MAOB: variants seen among roughly 807,000 people sequenced by gnomAD.
The protein encoded by MAOB is amine oxidase [flavin-containing] B.
MAOB carries 15 observed loss-of-function variants against 41.9 expected under a neutral mutation model. The observed-to-expected ratio is 0.36, with a 90% CI of 0.24 to 0.55. MAOB has a LOEUF of 0.55. Among genes scored for constraint, MAOB ranks in the 20% least tolerant of loss-of-function variants. MAOB has a pLI of 0.86. For synonymous variants in MAOB, 167 were observed against 144.2 expected, an observed-to-expected ratio of 1.16 and a Z score of -1.13; for missense variants, 345 against 398.7, an observed-to-expected ratio of 0.87 and a Z score of 1.15.
intron 1 of MAOB, among the ~76,000 whole-genome samples, chrX:43,870,562 G>T (rs1420844270): frequency 9.0e-6 from 1 of 110,500 alleles, no homozygotes; most frequent in Non-Finnish European, 1.9e-5. Flanking sequence ...TTGGGAGGCT[G>T]AGGCGGGCGG....
chrX:43,774,999 T>C (rs986760029), intron 12 of MAOB, among the ~76,000 whole-genome samples, 176 bp downstream of exon 12: 2 of 110,041 alleles, frequency 1.8e-5, no homozygotes, highest in Non-Finnish European at 3.8e-5. Context: ...ATAATTATAA[T>C]GATTTCATTC....
rs1169435306 is a variant in MAOB, at chrX:43,767,534, T to C, written c.1495A>G (p.Thr499Ala). 2 of 1,208,524 alleles carry C rather than the reference T, an allele frequency of 1.7e-6. No homozygotes were observed. The highest frequency in any genetic ancestry group is 1.8e-5 in the South Asian group (1 of 56,646). Residue 499 changes from threonine to alanine, a missense_variant, in exon 15 of 15, where the codon ACC becomes GCC. Thr to Ala is a moderately conservative substitution (Grantham distance 58, BLOSUM62 0). Coordinates refer to ENST00000378069, the MANE Select transcript of MAOB (RefSeq NM_000898.5). The stretch of plus-strand genomic sequence containing the variant: ...AGAGCCGTTGCTGAAAAGATGGTGG[T>C]CAATCCAATCAGCCTGAGCAGGCCT... ...VPGLLRLIGL[T>A]TIFSATALGF...
At chrX:43,856,465 T>C (rs747200124) in intron 1 of MAOB, among the ~76,000 whole-genome samples, 2 of 111,950 alleles carry the variant, frequency 1.8e-5, no homozygotes, top group African/African-American at 3.2e-5. Context: ...TTTTACCTTC[T>C]GCTTATATCT....
chrX:43,813,754 C>A (rs567121569), intron 3 of MAOB, among the ~76,000 whole-genome samples: 1 of 111,656 alleles, frequency 9.0e-6, no homozygotes, highest in African/African-American at 3.3e-5. Context: ...TGCCTCCTGT[C>A]TGCCTGGCAC....
intron 1 of MAOB, among the ~76,000 whole-genome samples, chrX:43,854,428 C>T (rs927309069): frequency 7.2e-5 from 8 of 111,554 alleles, no homozygotes; most frequent in African/African-American, 2.6e-4. Context: ...AAACAAACAC[C>T]ACATGTTCTT....
At chrX:43,850,478 T>C in intron 1 of MAOB, 1 of 753,650 alleles carries the variant, frequency 1.3e-6, no homozygotes, top group Non-Finnish European at 1.6e-6. Context: ...CCTCCTTAAG[T>C]TCAAACTGGC....
At chrX:43,873,394 T>A (rs994658353) in intron 1 of MAOB, among the ~76,000 whole-genome samples, 1 of 110,636 alleles carries the variant, frequency 9.0e-6, no homozygotes, top group African/African-American at 3.3e-5. Context: ...TAAAACTAAG[T>A]ATCTAGTAGG....
intron 1 of MAOB, among the ~76,000 whole-genome samples, chrX:43,863,860 A>T (rs2035348883): frequency 8.9e-6 from 1 of 111,932 alleles, no homozygotes; most frequent in African/African-American, 3.2e-5. Context: ...TTGGTATTTT[A>T]TGAAATTTAC....
chrX:43,769,546 GAAT>G, intron 12 of MAOB, 128 bp from the exon 13 acceptor site: 1 of 993,628 alleles, frequency 1.0e-6, no homozygotes, highest in East Asian at 3.8e-5. Flanking sequence ...GGCAATTTTG[GAAT>G]AATGTTTATG....
intron 1 of MAOB, among the ~76,000 whole-genome samples, chrX:43,856,196 G>C (rs967500981): frequency 3.6e-5 from 4 of 110,826 alleles, no homozygotes; most frequent in African/African-American, 1.3e-4. Context: ...CAATTCTCCT[G>C]CCTCAGCCTC....
rs5952677 is a variant in MAOB at position 43,773,589 on chromosome X, C to G, written c.1235+1586G>C. 5.7e-3 allele frequency among the ~76,000 whole-genome samples: 647 copies of G among 112,599 alleles called. 3 individuals carry two copies. Among genetic ancestry groups the G allele is most frequent in the African/African-American group, 0.02 (609 of 31,056 alleles). ...TACGATTTGGCTCTGTGTCCCCACT[C>G]AAATCTCATATTGTAGCTCCCATAA... On this transcript the variant is annotated intron_variant, in intron 12 of 14. Transcript: ENST00000378069.
chrX:43,773,583 C>T (rs898128375), intron 12 of MAOB, among the ~76,000 whole-genome samples: 4 of 112,372 alleles, frequency 3.6e-5, no homozygotes, highest in African/African-American at 1.3e-4. Context: ...GCTCTGTGTC[C>T]CCACTCAAAT....
At chrX:43,840,893 GT>G (rs749492144) in intron 2 of MAOB, among the ~76,000 whole-genome samples, 4,950 of 92,063 alleles carry the variant, frequency 0.054, 306 homozygotes, top group African/African-American at 0.15. Context: ...AGCTGCAGGA[GT>G]TTTTTTTTTT....
At chrX:43,843,375 A>T (rs1241673521) in intron 2 of MAOB, among the ~76,000 whole-genome samples, 23 of 101,819 alleles carry the variant, frequency 2.3e-4, no homozygotes, top group African/African-American at 8.6e-4. Flanking sequence ...ACACACACAC[A>T]CACACACACA....
chrX:43,801,529 T>C (rs960805990), intron 5 of MAOB, among the ~76,000 whole-genome samples: 3 of 112,190 alleles, frequency 2.7e-5, no homozygotes, highest in East Asian at 2.8e-4. Context: ...CTCATAATCC[T>C]TTCCATTTTC....
At chrX:43,825,533 G>A (rs1445349963) in intron 3 of MAOB, among the ~76,000 whole-genome samples, 4 of 110,718 alleles carry the variant, frequency 3.6e-5, no homozygotes, top group Non-Finnish European at 1.9e-5. Context: ...CCACACTCCC[G>A]TTCTCCATAG....
rs1231849165 is a variant in MAOB, at chrX:43,767,446, A to T, written c.*20T>A. ...CCAAATACAGTAAGAAGAGAGTGTG[A>T]TTACAGACACCCTCTCTCTTTAGAC... On this transcript the variant is annotated 3_prime_UTR_variant, in exon 15 of 15. Coordinates refer to ENST00000378069, the MANE Select transcript of MAOB (RefSeq NM_000898.5). The T allele has an allele frequency of 1.7e-6, 2 of 1,194,222 alleles. No individual in the cohort carries two copies. Among genetic ancestry groups the T allele is most frequent in the East Asian group, 6.0e-5 (2 of 33,543 alleles).
chrX:43,846,770 T>C (rs2035207023), intron 1 of MAOB, among the ~76,000 whole-genome samples: 1 of 112,046 alleles, frequency 8.9e-6, no homozygotes, highest in South Asian at 3.7e-4. Context: ...CAATGAACTC[T>C]ACAGAGCATC....
chrX:43,823,427 C>T (rs1360378288), intron 3 of MAOB, among the ~76,000 whole-genome samples: 1 of 110,593 alleles, frequency 9.0e-6, no homozygotes, highest in Non-Finnish European at 1.9e-5. Context: ...CCCGCCTGGG[C>T]CTCCCAAAGT....
Sources: gnomAD v4.1 joint callset for allele counts (sites outside exome capture counted in the v4.1 genomes callset) on GRCh38, gnomAD v4.1.1 for gene constraint, MANE v1.5 for transcripts, NCBI Gene and HGNC (gene_info 2026-07-23, HGNC 2026-07-21) for gene names.